MAP1S: variants seen among roughly 807,000 people sequenced by gnomAD.
The protein encoded by MAP1S is microtubule-associated protein 1S.
In MAP1S, 27 loss-of-function variants were observed where a neutral mutation model predicts 60.9. That is an observed-to-expected ratio of 0.44 (90% confidence interval 0.33 to 0.61). The LOEUF (loss-of-function observed/expected upper bound fraction) is 0.61. Ranked by LOEUF, MAP1S falls within the 20% of genes least tolerant of loss-of-function variation. The pLI is 0.03. For missense variants in MAP1S, 1,608 were observed against 1,486.6 expected (o/e 1.08, Z -1.34); for synonymous variants, 826 against 694.2 (o/e 1.19, Z -2.98).
rs369858340 is a variant in MAP1S at position 17,724,601 on chromosome 19, G to A, written c.303+393G>A. On this transcript the variant is annotated intron_variant, in intron 3 of 6. Coordinates refer to ENST00000324096, the MANE Select transcript of MAP1S (RefSeq NM_018174.6). Reference sequence around the variant, plus strand: ...TCTGTACTCTACCAATTATACATCCGGAAGATGAACCAGACAGAGCCCTGG... The same window carrying A: ...TCTGTACTCTACCAATTATACATCCAGAAGATGAACCAGACAGAGCCCTGG... Among the ~76,000 whole-genome samples, 13 of 152,266 alleles carry A rather than the reference G, an allele frequency of 8.5e-5. No homozygotes were observed. In the East Asian group the frequency reaches 1.5e-3, roughly 18 times the overall value.
At chr19:17,733,527 C>G in intron 6 of MAP1S, 99 bp downstream of exon 6, 1 of 994,502 alleles carries the variant, frequency 1.0e-6, no homozygotes, top group South Asian at 1.8e-5. Flanking sequence ...CCCCAGGCCA[C>G]ACGGGAATGG....
At chr19:17,733,519 C>G (rs2080512204) in intron 6 of MAP1S, 91 bp downstream of exon 6, 10 of 1,069,538 alleles carry the variant, frequency 9.3e-6, no homozygotes, top group Non-Finnish European at 1.3e-5. Context: ...GCTGTGTTCC[C>G]CAGGCCACAC....
chr19:17,724,306 C>A, intron 3 of MAP1S, 98 bp downstream of exon 3: 1 of 944,604 alleles, frequency 1.1e-6, no homozygotes, highest in Non-Finnish European at 1.7e-6. Context: ...TGCCCCAGAT[C>A]CTCTCAAGAC....
chr19:17,728,147 C>A lies in MAP1S; in HGVS notation c.2763C>A (p.Pro921=), dbSNP rs768108268. The A allele has an allele frequency of 6.3e-7, 1 of 1,599,918 alleles. No individual in the cohort carries two copies. ...CCCTGTCCAGAAAGTCCTCAACCCC[C>A]AAGACTGCCACTCGAGGCCCGTCGG... is the stretch of plus-strand genomic sequence containing the variant. ...RAPLSRKSST[P]KTATRGPSGS... Residue 921 remains proline (P), a synonymous_variant, in exon 5 of 7, where the codon CCC becomes CCA. Transcript: ENST00000324096.
rs941282052 is a variant in MAP1S at position 17,725,568 on chromosome 19, C to T, written c.445-261C>T. The stretch of plus-strand genomic sequence containing the variant: ...TAGACAGGTGGGGCGTGGAGAGTCT[C>T]CTTGGAGGGAGCTGTGCCCTGGGAG... On this transcript the variant is annotated intron_variant, in intron 4 of 6. Coordinates refer to ENST00000324096, the MANE Select transcript of MAP1S (RefSeq NM_018174.6). This position sits in a 1 kb window ranked among gnomAD's most constrained non-coding sequence, Gnocchi z 4.2. Among the ~76,000 whole-genome samples the T allele has an allele frequency of 6.6e-6, 1 of 152,132 alleles. No homozygotes were observed. Among genetic ancestry groups the T allele is most frequent in the Non-Finnish European group, 1.5e-5 (1 of 68,022 alleles).
At chr19:17,732,870 G>A (rs930810775) in intron 5 of MAP1S, 6 of 323,520 alleles carry the variant, frequency 1.9e-5, no homozygotes, top group East Asian at 5.2e-5. Flanking sequence ...AGGGGTGGCC[G>A]GTGGTGTTTG....
intron 2 of MAP1S, among the ~76,000 whole-genome samples, chr19:17,723,544 G>A (rs994541001): frequency 8.4e-5 from 11 of 131,016 alleles, no homozygotes; most frequent in Non-Finnish European, 1.4e-4. Flanking sequence ...GCAAAACTCC[G>A]TCTCAAAAAA....
At chr19:17,719,861 C>T (rs2145969592) in intron 1 of MAP1S, 1 of 160,674 alleles carries the variant, frequency 6.2e-6, no homozygotes, top group South Asian at 1.8e-4. Context: ...CAGGGCTGCC[C>T]CGCCCCAACT....
At chr19:17,724,055 G>C (rs1599455048) in intron 2 of MAP1S, 71 bp from the exon 3 acceptor site, 1 of 1,214,316 alleles carries the variant, frequency 8.2e-7, no homozygotes, top group African/African-American at 1.5e-5. Context: ...GGTTCCCAGA[G>C]GGGTTCATGT....
rs751917775 is a variant in MAP1S, at chr19:17,727,952, G to A, written c.2568G>A (p.Thr856=). 3.1e-6 allele frequency: 5 copies of A among 1,607,570 alleles called. No homozygotes were observed. Among genetic ancestry groups the A allele is most frequent in the East Asian group, 4.5e-5 (2 of 44,724 alleles). ...EMLPPKTARQ[T]ENVSRTRKPL... Reference sequence around the variant, plus strand: ...TGCCCCCCAAGACAGCACGGCAAACGGAGAACGTCAGCCGCACCCGGAAGC... The same window carrying A: ...TGCCCCCCAAGACAGCACGGCAAACAGAGAACGTCAGCCGCACCCGGAAGC... Residue 856 remains threonine, a synonymous_variant, in exon 5 of 7, where the codon ACG becomes ACA. Coordinates refer to ENST00000324096, the MANE Select transcript of MAP1S (RefSeq NM_018174.6). This position sits in a 1 kb window ranked among gnomAD's most constrained non-coding sequence, Gnocchi z 4.1.
Position 17,727,997 on chromosome 19 carries a change from A to G in MAP1S, c.2613A>G (p.Ser871=), listed in dbSNP as rs1321549607. The part of the protein sequence containing the change: ...RTRKPLARPN[S]RAAAPKATPV... ...GGAAGCCCCTGGCCCGCCCCAACTC[A>G]CGCGCTGCCGCCCCCAAAGCCACTC... Residue 871 remains serine, a synonymous_variant, in exon 5 of 7, where the codon TCA becomes TCG. Transcript: ENST00000324096. The surrounding 1 kb of genome is among the most constrained non-coding windows in gnomAD (Gnocchi z 4.1). 2.5e-6 allele frequency: 4 copies of G among 1,610,600 alleles called. No homozygotes were observed. Among genetic ancestry groups the G allele is most frequent in the Non-Finnish European group, 3.4e-6 (4 of 1,178,864 alleles).
At chr19:17,733,108 C>G in intron 5 of MAP1S, 85 bp from the exon 6 acceptor site, 1 of 883,582 alleles carries the variant, frequency 1.1e-6, no homozygotes, top group Non-Finnish European at 1.7e-6. Flanking sequence ...GGGAGCTGCT[C>G]TGAGTGGTGC....
At position 17,724,337 on chromosome 19, in the gene MAP1S, G is replaced by A. The variant is rs929291500; in HGVS notation, c.303+129G>A. 1.7e-5 allele frequency: 12 copies of A among 710,508 alleles called. No individual in the cohort carries two copies. The East Asian group carries it at 1.7e-4, about 10-fold the overall frequency. The allele number at this position is 710,508 out of a possible 1,614,324, so 44.0% of individuals were successfully genotyped here. A position where few individuals can be genotyped will look rare whatever the true frequency, so the allele number is the denominator to read the frequency against. ...AAGACACCCGGCACCACACTTCTTC[G>A]CCCACGAAGCCTTCCCTGTGGCTTC... On this transcript the variant is annotated intron_variant, in intron 3 of 6. Coordinates refer to ENST00000324096, the MANE Select transcript of MAP1S (RefSeq NM_018174.6).
chr19:17,733,487 A>T, intron 6 of MAP1S, 59 bp downstream of exon 6: 1 of 1,352,298 alleles, frequency 7.4e-7, no homozygotes, highest in Non-Finnish European at 9.9e-7. Context: ...GGGTAAAACC[A>T]CCCTCGACCC....
At chr19:17,719,735 G>T (rs2080353725) in intron 1 of MAP1S, 115 bp downstream of exon 1, 1 of 318,870 alleles carries the variant, frequency 3.1e-6, no homozygotes, top group Non-Finnish European at 4.6e-6. Flanking sequence ...CCGGGCTCCG[G>T]GGCGGGGGTC....
rs1486329851 is a variant in MAP1S at position 17,726,169 on chromosome 19, C to T, written c.785C>T (p.Thr262Ile). The T allele has an allele frequency of 6.2e-7, 1 of 1,613,536 alleles. No homozygotes were observed. The change falls in exon 5 of 7, where the codon ACT (threonine) becomes ATT (isoleucine). Residue 262 changes from threonine (T) to isoleucine (I), a missense_variant. Around this residue, in one of 4 missense-constraint regions of MAP1S, gnomAD observed 320 missense variants for 393.1 expected, o/e 0.81. Transcript: ENST00000324096. ...DAAFFAVNGF[T>I]VLVNGGSNPK... ...GCCTTCTTCGCCGTCAATGGCTTCACTGTGCTGGTCAACGGTGGCTCAAAC... is the reference window on the plus strand; with the variant it reads ...GCCTTCTTCGCCGTCAATGGCTTCATTGTGCTGGTCAACGGTGGCTCAAAC...
At position 17,726,267 on chromosome 19, in the gene MAP1S, G is replaced by T. The variant is rs571479168; in HGVS notation, c.883G>T (p.Ala295Ser). 1.2e-6 allele frequency: 2 copies of T among 1,606,474 alleles called. No individual in the cohort carries two copies. The highest frequency in any genetic ancestry group is 2.2e-5 in the East Asian group (1 of 44,586). Reference sequence around the variant, plus strand: ...TGCCGTGCTGGTGACCCACCCTGGCGCCGACAGCCTCCCCGGCCTCAACAG... The same window carrying T: ...TGCCGTGCTGGTGACCCACCCTGGCTCCGACAGCCTCCCCGGCCTCAACAG... Reference protein sequence around the residue: ...VDAVLVTHPGADSLPGLNSLL... With the variant: ...VDAVLVTHPGSDSLPGLNSLL... Residue 295 changes from alanine to serine, a missense_variant, in exon 5 of 7, where the codon GCC becomes TCC. Transcript: ENST00000324096.
chr19:17,727,048 A>G lies in MAP1S; in HGVS notation c.1664A>G (p.Asn555Ser), dbSNP rs758219768. ...TCTGTGCCCAACCTCAAGAAGACGA[A>G]TGCCCAGGCGGCACCCAAGCCCCGC... ...ASSVPNLKKT[N>S]AQAAPKPRKA... Residue 555 changes from asparagine (N) to serine (S), a missense_variant, in exon 5 of 7, where the codon AAT becomes AGT. This residue lies in a region of MAP1S where 1,167 missense variants were observed against 961.4 expected (regional missense o/e 1.21). Coordinates refer to ENST00000324096, the MANE Select transcript of MAP1S (RefSeq NM_018174.6). The surrounding 1 kb of genome is among the most constrained non-coding windows in gnomAD (Gnocchi z 4.1). 3.7e-6 allele frequency: 6 copies of G among 1,606,262 alleles called. No homozygotes were observed. Among genetic ancestry groups the G allele is most frequent in the Admixed American group, 1.7e-5 (1 of 59,280 alleles).
At chr19:17,733,906 G>T (rs2080515624) in intron 6 of MAP1S, among the ~76,000 whole-genome samples, 1 of 152,216 alleles carries the variant, frequency 6.6e-6, no homozygotes, top group South Asian at 2.1e-4. Context: ...TCAAAGGAGT[G>T]TCCCTGTAGG....
Sources: allele counts gnomAD v4.1 joint callset (sites outside exome capture counted in the v4.1 genomes callset), GRCh38; gene constraint gnomAD v4.1.1; regional missense constraint gnomAD v4.1.1; non-coding constraint Gnocchi (gnomAD v3.1); transcripts MANE v1.5; gene names NCBI Gene and HGNC (gene_info 2026-07-23, HGNC 2026-07-21).